Variants in DUOX2 observed in about 807,000 individuals in gnomAD.
The protein encoded by DUOX2 is NADH/NADPH thyroid oxidase p138-tox.
Under a neutral mutation model 183.3 loss-of-function variants are expected in DUOX2, and 185 were observed. That is an observed-to-expected ratio of 1.01 (90% CI 0.90 to 1.14). DUOX2 has a LOEUF of 1.14. Among genes scored for constraint, DUOX2 ranks in the 50% most tolerant of loss-of-function variants. The probability of loss-of-function intolerance (pLI) is 0.00; values close to 1 mark genes in which losing one functional copy is unlikely to be tolerated. For synonymous variants in DUOX2, 788 were observed against 812.4 expected (o/e 0.97, Z 0.51); for missense variants, 1,999 against 2,022.9 (o/e 0.99, Z 0.23).
At position 45,094,201 on chromosome 15, in the gene DUOX2, G is replaced by A. The variant is rs1566970426; in HGVS notation, c.4596C>T (p.Leu1532=). ...MTKNVEKACQ[L]VNRQDRAHFM... is the part of the protein sequence containing the mutation. ...AGTGGGCTCGGTCCTGCCTGTTGAC[G>A]AGCTGACAGGCCTTCTCTACATTCT... Residue 1532 remains leucine (L), a synonymous_variant, in exon 34 of 34, where the codon CTC becomes CTT. Coordinates refer to ENST00000389039, the MANE Select transcript of DUOX2 (RefSeq NM_001363711.2). The A allele has an allele frequency of 3.7e-6, 6 of 1,614,132 alleles. No homozygotes were observed. The highest frequency in any genetic ancestry group is 1.6e-4 in the Middle Eastern group (1 of 6,062).
intron 4 of DUOX2, 77 bp downstream of exon 4, chr15:45,112,477 G>T: frequency 6.4e-7 from 1 of 1,570,784 alleles, no homozygotes; most frequent in South Asian, 1.1e-5. Flanking sequence ...CTGTGGACTC[G>T]CAGACGGGAT....
chr15:45,096,049 G>A lies in DUOX2; in HGVS notation c.3859C>T (p.Leu1287=). ...AELLPSGVTY[L]QFQRPQGFEY... is the part of the protein sequence containing the mutation. ...AAGCCTTGGGGCCTCTGGAATTGCA[G>A]GTAGGTCACTCCTGGAGGTCATAGA... The change falls in exon 30 of 34, where the codon CTG becomes TTG. Residue 1287 remains leucine, a synonymous_variant. Transcript: ENST00000389039. 2 of 1,614,088 alleles carry A rather than the reference G, an allele frequency of 1.2e-6. No individual in the cohort carries two copies. Among genetic ancestry groups the A allele is most frequent in the Non-Finnish European group, 1.7e-6 (2 of 1,179,972 alleles).
intron 20 of DUOX2, among the ~76,000 whole-genome samples, chr15:45,102,393 G>A (rs1290155154): frequency 6.6e-6 from 1 of 152,186 alleles, no homozygotes; most frequent in African/African-American, 2.4e-5. Flanking sequence ...AGGCAGCCAG[G>A]TGCCAGGGAG....
chr15:45,095,183 C>A (rs1893868941), intron 31 of DUOX2, 92 bp from the exon 32 acceptor site: 1 of 1,514,864 alleles, frequency 6.6e-7, no homozygotes. Flanking sequence ...AAGCCCCAGA[C>A]CACCTGCAGA....
At chr15:45,108,448 G>C (rs753049325) in intron 12 of DUOX2, 3 of 611,082 alleles carry the variant, frequency 4.9e-6, no homozygotes, top group Non-Finnish European at 8.6e-6. Flanking sequence ...CATATCCTGT[G>C]ACCATCACCA....
Position 45,093,764 on chromosome 15 carries a change from G to A in DUOX2, c.*386C>T. On this transcript the variant is annotated 3_prime_UTR_variant, in exon 34 of 34. Transcript: ENST00000389039. ...CTTTTCACCTCCACACTTGTCACAA[G>A]CAGGGACTGTCTCCTCCCCACTTTG... The A allele has an allele frequency of 3.5e-6, 1 of 283,090 alleles. No homozygotes were observed. Among genetic ancestry groups the A allele is most frequent in the Non-Finnish European group, 7.0e-6 (1 of 143,036 alleles). The allele number at this position is 283,090 out of a possible 1,614,324, so 17.5% of individuals were successfully genotyped here. A position where few individuals can be genotyped will look rare whatever the true frequency, so the allele number is the denominator to read the frequency against.
rs370363009 is a variant in DUOX2 at position 45,097,669 on chromosome 15, C to T, written c.3638G>A (p.Arg1213His). 32 of 1,614,098 alleles carry T rather than the reference C, an allele frequency of 2.0e-5. No individual in the cohort carries two copies. Among genetic ancestry groups the T allele is most frequent in the East Asian group, 4.5e-5 (2 of 44,878 alleles). The change falls in exon 28 of 34, where the codon CGC becomes CAC. Residue 1213 changes from arginine to histidine, a missense_variant. Physicochemically the swap from Arg to His is conservative, Grantham distance 29. Coordinates refer to ENST00000389039, the MANE Select transcript of DUOX2 (RefSeq NM_001363711.2). ...GGTCAGCCAGAAGCCCCGGAAGCTG[C>T]GGCGGCGGAAGTGGTGGGAGGCGAA... ...YVFASHHFRR[R>H]SFRGFWLTHH...
chr15:45,101,133 C>T (rs1176133640), intron 22 of DUOX2, 72 bp downstream of exon 22: 6 of 1,388,324 alleles, frequency 4.3e-6, no homozygotes, highest in Non-Finnish European at 6.1e-6. Flanking sequence ...GCTGATCAGC[C>T]AGTCCTACTC....
intron 4 of DUOX2, among the ~76,000 whole-genome samples, 162 bp from the exon 5 acceptor site, chr15:45,112,117 T>C (rs927923476): frequency 6.6e-6 from 1 of 152,188 alleles, no homozygotes; most frequent in Non-Finnish European, 1.5e-5. Context: ...AATTTTCTAA[T>C]CTGCAAAGTA....
chr15:45,108,147 T>C lies in DUOX2; in HGVS notation c.1474A>G (p.Ser492Gly), dbSNP rs1346046235. 2.5e-6 allele frequency: 4 copies of C among 1,613,886 alleles called. No homozygotes were observed. The African/African-American group carries it at 4.0e-5, about 16-fold the overall frequency. ...LELLLGGLLE[S>G]HGDPGPLFSA... is the part of the protein sequence containing the mutation. The stretch of plus-strand genomic sequence containing the variant: ...AACAGGGGTCCAGGGTCCCCATGGC[T>C]CTCCAGGAGCCCCCCAAGGAGCAGC... The change falls in exon 13 of 34, where the codon AGC becomes GGC. Residue 492 changes from serine (S) to glycine (G), a missense_variant. Physicochemically the swap from Ser to Gly is moderately conservative, Grantham distance 56. Coordinates refer to ENST00000389039, the MANE Select transcript of DUOX2 (RefSeq NM_001363711.2).
chr15:45,102,087 C>T, intron 20 of DUOX2, 98 bp from the exon 21 acceptor site: 2 of 1,460,520 alleles, frequency 1.4e-6, no homozygotes, highest in East Asian at 2.4e-5. Context: ...AATGTGGTTA[C>T]CAGTGACCCG....
rs1894345474 is a variant in DUOX2 at position 45,110,323 on chromosome 15, T to G, written c.1040+105A>C. On this transcript the variant is annotated intron_variant, in intron 9 of 33. Coordinates refer to ENST00000389039, the MANE Select transcript of DUOX2 (RefSeq NM_001363711.2). ...CAGGGCCCCAAATTTTTGCTTCCCC[T>G]TCTCTAGTGAAACTGCGAAGGAGTG... The G allele has an allele frequency of 3.4e-6, 4 of 1,176,892 alleles. No homozygotes were observed. In the South Asian group the frequency reaches 4.8e-5, roughly 14 times the overall value. 72.9% of individuals were successfully genotyped at this position (1,176,892 alleles called of 1,614,324 possible). A position where few individuals can be genotyped will look rare whatever the true frequency, so the allele number is the denominator to read the frequency against.
chr15:45,111,538 G>A lies in DUOX2; in HGVS notation c.561C>T (p.Ser187=). 1.9e-6 allele frequency: 3 copies of A among 1,555,904 alleles called. No homozygotes were observed. Among genetic ancestry groups the A allele is most frequent in the Non-Finnish European group, 2.6e-6 (3 of 1,153,948 alleles). ...GWLDGSAIYG[S]SHSWSDALRS... The stretch of plus-strand genomic sequence containing the variant: ...GCAGCGCGTCGCTCCAGGAGTGCGA[G>A]GAGCCATAGATGGCGCTGCCGTCCA... The change falls in exon 6 of 34, where the codon TCC becomes TCT. Residue 187 remains serine (S), a synonymous_variant. Coordinates refer to ENST00000389039, the MANE Select transcript of DUOX2 (RefSeq NM_001363711.2).
chr15:45,104,432 G>C, intron 18 of DUOX2, 67 bp from the exon 19 acceptor site: 1 of 1,566,196 alleles, frequency 6.4e-7, no homozygotes, highest in Non-Finnish European at 8.7e-7. Context: ...AAGCAGTTCA[G>C]TGACCCTTCA....
intron 1 of DUOX2, 44 bp from the exon 2 acceptor site, chr15:45,113,469 C>T: frequency 6.7e-7 from 1 of 1,485,326 alleles, no homozygotes; most frequent in Non-Finnish European, 9.2e-7. Context: ...GCGAAAGCCA[C>T]TGTTAGGGCG....
intron 33 of DUOX2, 74 bp downstream of exon 33, chr15:45,094,489 G>T: frequency 6.4e-7 from 1 of 1,561,112 alleles, no homozygotes; most frequent in Admixed American, 1.9e-5. Flanking sequence ...GAACAGAGTG[G>T]CAGGGTGCTT....
chr15:45,098,465 G>T (rs1371564754), intron 26 of DUOX2, among the ~76,000 whole-genome samples: 1 of 152,192 alleles, frequency 6.6e-6, no homozygotes, highest in Non-Finnish European at 1.5e-5. Context: ...TGGCATCTGG[G>T]TAGACACATG....
At chr15:45,107,213 C>A (rs1566976089) in intron 14 of DUOX2, 132 bp downstream of exon 14, 4 of 1,309,962 alleles carry the variant, frequency 3.1e-6, no homozygotes, top group African/African-American at 2.9e-5. Context: ...GGGAGCCAGC[C>A]AAATGCAGGC....
At chr15:45,097,106 T>C in intron 29 of DUOX2, 132 bp downstream of exon 29, 1 of 1,423,150 alleles carries the variant, frequency 7.0e-7, no homozygotes, top group East Asian at 2.3e-5. Flanking sequence ...CCGAGAGTGG[T>C]TTTTTGTTGT....
Sources: gnomAD v4.1 joint callset for allele counts (sites outside exome capture counted in the v4.1 genomes callset) on GRCh38, gnomAD v4.1.1 for gene constraint, MANE v1.5 for transcripts, NCBI Gene and HGNC (gene_info 2026-07-23, HGNC 2026-07-21) for gene names.